Variants in KSR1 observed in about 807,000 individuals in gnomAD.
KSR1 encodes kinase suppressor of ras 1.
Under a neutral mutation model 92.9 loss-of-function variants are expected in KSR1, and 35 were observed. That is an observed-to-expected ratio of 0.38 (90% CI 0.29 to 0.50). The LOEUF (loss-of-function observed/expected upper bound fraction) is 0.50, where lower values mean the gene tolerates loss of function less well. Ranked by LOEUF, KSR1 falls within the 20% of genes least tolerant of loss-of-function variation. The pLI is 0.94. For missense variants in KSR1, 972 were observed against 1,158.5 expected, an observed-to-expected ratio of 0.84 and a Z score of 2.34; for synonymous variants, 467 against 472.6, an observed-to-expected ratio of 0.99 and a Z score of 0.15.
intron 9 of KSR1, among the ~76,000 whole-genome samples, chr17:27,593,758 G>A (rs535162521): frequency 4.6e-5 from 7 of 152,370 alleles, no homozygotes; most frequent in East Asian, 1.9e-4. Flanking sequence ...TCAGGCTACC[G>A]TAACAAAATA....
chr17:27,557,598 T>C (rs955172744), intron 2 of KSR1, among the ~76,000 whole-genome samples: 1 of 152,202 alleles, frequency 6.6e-6, no homozygotes, highest in Non-Finnish European at 1.5e-5. Flanking sequence ...TGTGAGATCA[T>C]GGGCAAGTGA....
chr17:27,466,967 T>C (rs2019729508), intron 1 of KSR1, among the ~76,000 whole-genome samples: 1 of 152,262 alleles, frequency 6.6e-6, no homozygotes, highest in African/African-American at 2.4e-5. Context: ...GGATGTGTCA[T>C]AATGGGTGAC....
chr17:27,549,297 G>GCT (rs1389695853), intron 1 of KSR1, among the ~76,000 whole-genome samples: 2 of 152,218 alleles, frequency 1.3e-5, no homozygotes, highest in African/African-American at 4.8e-5. Flanking sequence ...CATTTCAGGA[G>GCT]CTCTCCCTGG....
intron 2 of KSR1, among the ~76,000 whole-genome samples, chr17:27,561,115 C>T (rs1349398678): frequency 2.7e-5 from 4 of 149,176 alleles, no homozygotes; most frequent in Non-Finnish European, 5.9e-5. Context: ...CCTGTTTCAT[C>T]CTTATCCCTG....
chr17:27,466,370 G>C (rs2019694416), intron 1 of KSR1, among the ~76,000 whole-genome samples: 1 of 152,218 alleles, frequency 6.6e-6, no homozygotes, highest in Non-Finnish European at 1.5e-5. Flanking sequence ...TGTCTCCTGG[G>C]CATCACATTA....
intron 17 of KSR1, 149 bp downstream of exon 17, chr17:27,610,347 G>A: frequency 9.5e-7 from 1 of 1,056,064 alleles, no homozygotes; most frequent in Non-Finnish European, 1.4e-6. Context: ...TCTGCCGCTT[G>A]TTGAGTGCAT....
At chr17:27,486,580 A>C (rs541930441) in intron 1 of KSR1, among the ~76,000 whole-genome samples, 26 of 152,336 alleles carry the variant, frequency 1.7e-4, no homozygotes, top group African/African-American at 6.0e-4. Flanking sequence ...CTGGGTGTAC[A>C]CAGGCTGGAG....
chr17:27,530,844 T>C (rs955269712), intron 1 of KSR1, among the ~76,000 whole-genome samples: 3 of 152,214 alleles, frequency 2.0e-5, no homozygotes, highest in Non-Finnish European at 4.4e-5. Context: ...CTTACGTAGT[T>C]CTTGCCATCC....
intron 2 of KSR1, among the ~76,000 whole-genome samples, chr17:27,564,740 C>A (rs1042751309): frequency 3.6e-5 from 5 of 139,604 alleles, no homozygotes; most frequent in Non-Finnish European, 7.8e-5. Flanking sequence ...TGGAAGACCC[C>A]CCCCCCCCAC....
chr17:27,622,026 G>A (rs909954691), intron 20 of KSR1: 3 of 1,203,878 alleles, frequency 2.5e-6, no homozygotes, highest in Non-Finnish European at 3.7e-6. Context: ...ATGAGATGCG[G>A]GCACTAACCC....
chr17:27,459,371 C>T lies in KSR1; in HGVS notation c.231+2497C>T, dbSNP rs575390749. Among the ~76,000 whole-genome samples, 3 of 152,320 alleles carry T rather than the reference C, an allele frequency of 2.0e-5. No homozygotes were observed. In the South Asian group the frequency reaches 6.2e-4, roughly 32 times the overall value. On this transcript the variant is annotated intron_variant, in intron 1 of 20. Transcript: ENST00000644974. This position sits in a 1 kb window ranked among gnomAD's most constrained non-coding sequence, Gnocchi z 4.6. ...TGGACCCTTGCTAGGGAAACTTAAC[C>T]CCCTACTTTATGGGTTCAGTAAATC... is the stretch of plus-strand genomic sequence containing the variant.
chr17:27,578,974 G>A (rs952693477), intron 3 of KSR1: 4 of 152,268 alleles, frequency 2.6e-5, no homozygotes, highest in African/African-American at 9.7e-5. Context: ...ATGGAGCAGA[G>A]CTGGGCTTTG....
chr17:27,555,233 G>A (rs187880159), intron 2 of KSR1, among the ~76,000 whole-genome samples: 1 of 152,306 alleles, frequency 6.6e-6, no homozygotes, highest in Admixed American at 6.5e-5. Context: ...GGGGTATGAG[G>A]GGTAGGTGGG....
chr17:27,586,823 A>C (rs1835879791), intron 5 of KSR1, among the ~76,000 whole-genome samples: 1 of 152,186 alleles, frequency 6.6e-6, no homozygotes, highest in African/African-American at 2.4e-5. Context: ...GTTCCAACAT[A>C]GTCTGTTTCT....
chr17:27,608,146 G>GT, intron 15 of KSR1, 136 bp downstream of exon 15: 1 of 633,502 alleles, frequency 1.6e-6, no homozygotes, highest in South Asian at 1.9e-5. Flanking sequence ...CTCCTCAAGG[G>GT]TGGGACCCCA....
chr17:27,518,634 A>G (rs1279172221), intron 1 of KSR1, among the ~76,000 whole-genome samples: 1 of 152,054 alleles, frequency 6.6e-6, no homozygotes, highest in African/African-American at 2.4e-5. Context: ...CTATGTTGAT[A>G]ATTGATGTTC....
intron 20 of KSR1, 111 bp from the exon 21 acceptor site, chr17:27,623,203 A>G (rs1218566787): frequency 2.9e-6 from 2 of 698,678 alleles, no homozygotes; most frequent in African/African-American, 3.5e-5. Context: ...AGTCATTTTC[A>G]TTTCTTGTTG....
chr17:27,577,400 C>A lies in KSR1; in HGVS notation c.373-92C>A. 2.6e-6 allele frequency: 2 copies of A among 768,282 alleles called. No individual in the cohort carries two copies. Among genetic ancestry groups the A allele is most frequent in the East Asian group, 5.4e-5 (2 of 36,830 alleles). The allele number at this position is 768,282 out of a possible 1,614,324, so 47.6% of individuals were successfully genotyped here. On this transcript the variant is annotated intron_variant, in intron 2 of 20. Transcript: ENST00000644974. This position sits in a 1 kb window ranked among gnomAD's most constrained non-coding sequence, Gnocchi z 4.5. ...GGCCGGCCCAGCCAGCAGCTGGCCC[C>A]TGCCACTCAGCAGGAGGCCAGCCTG...
chr17:27,584,391 C>T (rs751971849), intron 4 of KSR1, among the ~76,000 whole-genome samples: 2 of 152,042 alleles, frequency 1.3e-5, no homozygotes, highest in Non-Finnish European at 2.9e-5. Flanking sequence ...GTATGCTGCC[C>T]AAGGAGGAGA....
Sources: gnomAD v4.1 joint callset for allele counts (sites outside exome capture counted in the v4.1 genomes callset) on GRCh38, gnomAD v4.1.1 for gene constraint, Gnocchi (gnomAD v3.1) non-coding constraint, MANE v1.5 for transcripts, NCBI Gene and HGNC (gene_info 2026-07-23, HGNC 2026-07-21) for gene names.